Variants in FAM184A observed in about 807,000 individuals in gnomAD.
FAM184A encodes family with sequence similarity 184 member A.
In FAM184A, 99 loss-of-function variants were observed where a neutral mutation model predicts 143.8. The ratio of observed to expected loss-of-function variants is 0.69; its 90% CI spans 0.58 to 0.81. The LOEUF (loss-of-function observed/expected upper bound fraction) is 0.81, where lower values mean the gene tolerates loss of function less well. Ranked by LOEUF, FAM184A falls within the 40% of genes least tolerant of loss-of-function variation. FAM184A has a pLI of 0.00. For missense variants in FAM184A, 1,217 were observed against 1,310.5 expected (o/e 0.93, Z 1.10); for synonymous variants, 427 against 446.4 (o/e 0.96, Z 0.55).
chr6:118,991,305 G>C (rs1197572738), intron 9 of FAM184A, among the ~76,000 whole-genome samples: 1 of 151,858 alleles, frequency 6.6e-6, no homozygotes, highest in Non-Finnish European at 1.5e-5. Context: ...TGGGATTACA[G>C]GTGTGTGCCA....
intron 1 of FAM184A, among the ~76,000 whole-genome samples, chr6:119,044,999 C>T (rs144228406): frequency 1.3e-4 from 20 of 152,320 alleles, no homozygotes; most frequent in African/African-American, 4.3e-4. Flanking sequence ...ACAATTCTAG[C>T]GATCTCTTCT....
rs1306573190 is a variant in FAM184A, at chr6:119,131,152, C to T, written c.-202+17926G>A. On this transcript the variant is annotated intron_variant, in intron 1 of 16. Coordinates refer to the FAM184A transcript ENST00000352896. ...GGGATTACAGGTGTGAGCCACCATG[C>T]CCAGCCAGAATTGTATTTCTTGATG... 2.0e-5 allele frequency among the ~76,000 whole-genome samples: 3 copies of T among 152,258 alleles called. No individual in the cohort carries two copies. In the East Asian group the frequency reaches 5.8e-4, roughly 29 times the overall value.
At chr6:118,963,141 A>C (rs1262967741) in intron 16 of FAM184A, 1 of 152,144 alleles carries the variant, frequency 6.6e-6, no homozygotes, top group African/African-American at 2.4e-5. Flanking sequence ...GTAGTTTGAA[A>C]GTTCTTACAA....
chr6:119,017,985 G>A (rs1281646404), intron 4 of FAM184A, among the ~76,000 whole-genome samples: 1 of 152,144 alleles, frequency 6.6e-6, no homozygotes, highest in Non-Finnish European at 1.5e-5. Context: ...AGCTTCCTGA[G>A]GCCTCACCAG....
intron 1 of FAM184A, among the ~76,000 whole-genome samples, chr6:119,125,944 A>G (rs1218470031): frequency 6.6e-6 from 1 of 152,220 alleles, no homozygotes; most frequent in East Asian, 1.9e-4. Context: ...ATAACTAATT[A>G]CCATAAATTT....
At chr6:119,041,492 G>T (rs1162329202) in intron 1 of FAM184A, among the ~76,000 whole-genome samples, 1 of 152,182 alleles carries the variant, frequency 6.6e-6, no homozygotes, top group East Asian at 1.9e-4. Context: ...AGAGCACAGC[G>T]GGAGGGACAA....
At chr6:118,960,795 G>C (rs760310672) in intron 17 of FAM184A, 2 of 1,365,100 alleles carry the variant, frequency 1.5e-6, no homozygotes, top group Non-Finnish European at 2.0e-6. Context: ...TACAAGGCAC[G>C]CAACAATGTG....
intron 1 of FAM184A, among the ~76,000 whole-genome samples, chr6:119,107,992 T>C (rs6569046): frequency 0.63 from 95,833 of 151,648 alleles, 30,924 homozygotes; most frequent in East Asian, 0.96. Flanking sequence ...AATAAAAGGT[T>C]AATCAGGTAT....
upstream of FAM184A, among the ~76,000 whole-genome samples, chr6:119,080,722 GTGTT>G (rs1294407307): frequency 1.3e-5 from 2 of 152,172 alleles, no homozygotes; most frequent in Non-Finnish European, 2.9e-5. Context: ...GTTCCTCTGA[GTGTT>G]GTGTTGGCAC....
At chr6:119,120,820 C>G (rs1404129964) in intron 1 of FAM184A, among the ~76,000 whole-genome samples, 2 of 137,618 alleles carry the variant, frequency 1.5e-5, no homozygotes, top group East Asian at 4.1e-4. Flanking sequence ...TTCTTTCTTT[C>G]TTTCTTCCTT....
intron 1 of FAM184A, among the ~76,000 whole-genome samples, chr6:119,120,403 T>C (rs56195764): frequency 0.033 from 4,978 of 152,342 alleles, 128 homozygotes; most frequent in African/African-American, 0.065. Context: ...GTATAGACAC[T>C]GTCCTTCAGT....
At chr6:118,978,051 C>A (rs1260178987) in intron 11 of FAM184A, among the ~76,000 whole-genome samples, 2 of 152,132 alleles carry the variant, frequency 1.3e-5, no homozygotes. Flanking sequence ...GCAAACTCGA[C>A]CTTCCAGATT....
chr6:119,032,562 G>A (rs538938348), intron 1 of FAM184A, among the ~76,000 whole-genome samples: 1 of 142,524 alleles, frequency 7.0e-6, no homozygotes, highest in Non-Finnish European at 1.5e-5. Flanking sequence ...AGAAGGAGAA[G>A]GAGAAGGAAG....
chr6:118,974,860 T>C (rs1015047483), intron 13 of FAM184A, among the ~76,000 whole-genome samples, 164 bp downstream of exon 13: 1 of 152,214 alleles, frequency 6.6e-6, no homozygotes, highest in Non-Finnish European at 1.5e-5. Flanking sequence ...ACATTTCATC[T>C]GTGTTCTAGA....
chr6:119,085,286 C>T (rs564399044), intron 1 of FAM184A, among the ~76,000 whole-genome samples: 20 of 152,268 alleles, frequency 1.3e-4, no homozygotes, highest in African/African-American at 4.3e-4. Flanking sequence ...ACATCTTGAA[C>T]GCTTTGCTGT....
chr6:119,128,941 T>C (rs1465634881), intron 1 of FAM184A, among the ~76,000 whole-genome samples: 2 of 152,018 alleles, frequency 1.3e-5, no homozygotes, highest in Admixed American at 1.3e-4. Flanking sequence ...AAAAACACTG[T>C]CTATTCTCTC....
chr6:119,010,707 A>G (rs1178132215), intron 6 of FAM184A, among the ~76,000 whole-genome samples: 1 of 152,144 alleles, frequency 6.6e-6, no homozygotes, highest in African/African-American at 2.4e-5. Flanking sequence ...CCATGTTTCA[A>G]TTCACAACTT....
intron 1 of FAM184A, among the ~76,000 whole-genome samples, chr6:119,056,383 TA>T (rs1013530740): frequency 6.6e-6 from 1 of 152,172 alleles, no homozygotes; most frequent in African/African-American, 2.4e-5. Flanking sequence ...GACATCCAGG[TA>T]GAGATGACAG....
chr6:118,964,489 T>G (rs760995109), intron 16 of FAM184A, among the ~76,000 whole-genome samples, 178 bp downstream of exon 16: 6 of 152,242 alleles, frequency 3.9e-5, no homozygotes, highest in Non-Finnish European at 7.3e-5. Flanking sequence ...ATGAGTAGTA[T>G]TCAGTTTCAT....
Sources: allele counts gnomAD v4.1 joint callset (sites outside exome capture counted in the v4.1 genomes callset), GRCh38; gene constraint gnomAD v4.1.1; transcripts MANE v1.5; gene names NCBI Gene and HGNC (gene_info 2026-07-23, HGNC 2026-07-21).